The following PCDH15 variants were observed in gnomAD, a reference collection of about 807,000 sequenced individuals.
PCDH15 encodes the protein protocadherin related 15.
Under a neutral mutation model 178.5 loss-of-function variants are expected in PCDH15, and 129 were observed. That is an observed-to-expected ratio of 0.72 (90% confidence interval 0.63 to 0.84). The LOEUF (loss-of-function observed/expected upper bound fraction) is 0.84, where lower values mean the gene tolerates loss of function less well. Among genes scored for constraint, PCDH15 ranks in the 40% least tolerant of loss-of-function variants. The pLI, the probability that PCDH15 is intolerant of heterozygous loss-of-function variation, is 0.00. For missense variants in PCDH15, 2,230 were observed against 2,099.9 expected, an observed-to-expected ratio of 1.06 and a Z score of -1.21; for synonymous variants, 800 against 732.0, an observed-to-expected ratio of 1.09 and a Z score of -1.50.
chr10:54,536,122 T>C (rs1282384558), intron 2 of PCDH15, among the ~76,000 whole-genome samples: 4 of 152,208 alleles, frequency 2.6e-5, no homozygotes, highest in African/African-American at 7.2e-5. Flanking sequence ...CATATAATGT[T>C]GTGGTTAAGA....
intron 1 of PCDH15, among the ~76,000 whole-genome samples, chr10:55,177,306 G>A (rs2132130116): frequency 6.6e-6 from 1 of 152,278 alleles, no homozygotes; most frequent in East Asian, 1.9e-4. Flanking sequence ...GCTAATTTGG[G>A]AACCAGAGGC....
intron 2 of PCDH15, among the ~76,000 whole-genome samples, chr10:54,619,766 C>T (rs1049957497): frequency 2.6e-5 from 4 of 152,014 alleles, no homozygotes; most frequent in Admixed American, 1.3e-4. Flanking sequence ...ATAGTGTGGA[C>T]CAAATTTACA....
At chr10:54,228,207 A>G (rs1379490229) in intron 9 of PCDH15, among the ~76,000 whole-genome samples, 1 of 152,186 alleles carries the variant, frequency 6.6e-6, no homozygotes, top group Non-Finnish European at 1.5e-5. Context: ...TTCAAAAGAA[A>G]AAGGTTTAAT....
intron 11 of PCDH15, among the ~76,000 whole-genome samples, chr10:54,195,121 G>T (rs2049474080): frequency 6.6e-6 from 1 of 152,140 alleles, no homozygotes; most frequent in African/African-American, 2.4e-5. Flanking sequence ...AAAGTGTTCT[G>T]ATTTGCTCAG....
At position 54,146,708 on chromosome 10, in the gene PCDH15, T is replaced by C. The variant is rs1158769199; in HGVS notation, c.1784+6392A>G. 4.6e-5 allele frequency among the ~76,000 whole-genome samples: 7 copies of C among 151,216 alleles called. No individual in the cohort carries two copies. The Admixed American group carries it at 4.6e-4, about 10-fold the overall frequency. On this transcript the variant is annotated intron_variant, in intron 14 of 37. Transcript: ENST00000644397. ...ATACGTATTTCATTCATATTGGACT[T>C]ATTTTCAGTCAATATTACTACATTT... is the stretch of plus-strand genomic sequence containing the variant.
Position 55,178,959 on chromosome 10 carries a change from T to C in PCDH15, c.-155-12308A>G, listed in dbSNP as rs192773936. ...GGGTGAAACTGCTCTGGCCACAACA[T>C]TGTTTTCAGAATGATTAGTCTATTT... On this transcript the variant is annotated intron_variant, in intron 1 of 5. Transcript: ENST00000458638. Among the ~76,000 whole-genome samples, 11 of 152,276 alleles carry C rather than the reference T, an allele frequency of 7.2e-5. No homozygotes were observed. The East Asian group carries it at 1.2e-3, about 16-fold the overall frequency.
At chr10:54,041,060 G>T (rs2093531872) in intron 18 of PCDH15, among the ~76,000 whole-genome samples, 1 of 152,052 alleles carries the variant, frequency 6.6e-6, no homozygotes, top group South Asian at 2.1e-4. Flanking sequence ...GAAGAGTCTG[G>T]CTTAACACAC....
At chr10:55,275,537 T>G (rs1169874997) in intron 1 of PCDH15, among the ~76,000 whole-genome samples, 1 of 123,056 alleles carries the variant, frequency 8.1e-6, no homozygotes, top group Non-Finnish European at 1.8e-5. Flanking sequence ...CCTTTTGCAC[T>G]GATCTACACG....
intron 2 of PCDH15, among the ~76,000 whole-genome samples, chr10:55,120,020 A>G (rs992859222): frequency 6.6e-6 from 1 of 151,978 alleles, no homozygotes; most frequent in African/African-American, 2.4e-5. Context: ...AAGAAGAGTG[A>G]GTGGAAAGAG....
At chr10:55,032,656 G>A (rs1025940425) in intron 2 of PCDH15, among the ~76,000 whole-genome samples, 1 of 152,180 alleles carries the variant, frequency 6.6e-6, no homozygotes, top group Non-Finnish European at 1.5e-5. Flanking sequence ...GTCTAGCAGA[G>A]AAAACCAAGG....
At chr10:54,879,833 T>G (rs1954227710) in intron 3 of PCDH15, among the ~76,000 whole-genome samples, 1 of 151,984 alleles carries the variant, frequency 6.6e-6, no homozygotes, top group Admixed American at 6.6e-5. Context: ...AGCTATAGAA[T>G]GTTAGTAGTG....
chr10:54,969,588 A>G (rs1345129804), intron 2 of PCDH15, among the ~76,000 whole-genome samples: 9 of 152,162 alleles, frequency 5.9e-5, no homozygotes, highest in African/African-American at 2.2e-4. Context: ...CCCTTTGTAC[A>G]GATGTTTTCT....
chr10:54,405,413 C>T (rs1293993155), intron 3 of PCDH15, among the ~76,000 whole-genome samples: 1 of 151,910 alleles, frequency 6.6e-6, no homozygotes, highest in Non-Finnish European at 1.5e-5. Context: ...GGTAGTTATC[C>T]TTGGCAAACA....
At chr10:55,296,003 C>A (rs936352101) in intron 1 of PCDH15, among the ~76,000 whole-genome samples, 2 of 152,134 alleles carry the variant, frequency 1.3e-5, no homozygotes, top group Non-Finnish European at 2.9e-5. Context: ...CAACCCTCTT[C>A]TTAGATCTTA....
chr10:54,122,002 T>TACACACACACACACACACACACAC lies in PCDH15; in HGVS notation c.1917+10849_1917+10872dup, dbSNP rs57135050. ...AATATCTAAACCGGGCAAAGACACA[T>TACACACACACACACACACACACAC]ACACACACACACACACACACACACA... On this transcript the variant is annotated intron_variant, in intron 15 of 37. Coordinates refer to ENST00000644397, the MANE Select transcript of PCDH15 (RefSeq NM_001384140.1). 1.8e-3 allele frequency among the ~76,000 whole-genome samples: 269 copies of TACACACACACACACACACACACAC among 146,502 alleles called. 1 individual carries two copies. The highest frequency in any genetic ancestry group is 5.3e-3 in the Admixed American group (78 of 14,632).
chr10:55,376,442 C>A (rs1371898474), intron 2 of PCDH15, among the ~76,000 whole-genome samples: 1 of 152,036 alleles, frequency 6.6e-6, no homozygotes, highest in Non-Finnish European at 1.5e-5. Flanking sequence ...TTAAGCTTAT[C>A]TCTTTGTCCT....
chr10:55,298,180 C>T (rs1843182134), intron 1 of PCDH15, among the ~76,000 whole-genome samples: 1 of 152,112 alleles, frequency 6.6e-6, no homozygotes, highest in African/African-American at 2.4e-5. Context: ...GCCCAAAATA[C>T]TCATAAGGAG....
At chr10:54,367,446 A>G (rs1946970772) in intron 5 of PCDH15, among the ~76,000 whole-genome samples, 1 of 152,160 alleles carries the variant, frequency 6.6e-6, no homozygotes, top group African/African-American at 2.4e-5. Context: ...TTGAACTTCA[A>G]ATTGAACATT....
At chr10:55,172,143 T>C (rs370399865) in intron 1 of PCDH15, among the ~76,000 whole-genome samples, 2 of 151,896 alleles carry the variant, frequency 1.3e-5, no homozygotes, top group South Asian at 2.1e-4. Context: ...ATAAATAATA[T>C]AAAATATAAA....
Sources: gnomAD v4.1 joint callset for allele counts (sites outside exome capture counted in the v4.1 genomes callset) on GRCh38, gnomAD v4.1.1 for gene constraint, MANE v1.5 for transcripts, NCBI Gene and HGNC (gene_info 2026-07-23, HGNC 2026-07-21) for gene names.